The following ZFYVE28 variants were observed in gnomAD, a reference collection of about 807,000 sequenced individuals.
ZFYVE28 encodes the protein zinc finger FYVE-type containing 28.
In ZFYVE28, 40 loss-of-function variants were observed where a neutral mutation model predicts 82.1. The ratio of observed to expected loss-of-function variants is 0.49; its 90% CI spans 0.38 to 0.63. The LOEUF (loss-of-function observed/expected upper bound fraction) is 0.63. Ranked by LOEUF, ZFYVE28 falls within the 30% of genes least tolerant of loss-of-function variation. The pLI is 0.00. For synonymous variants in ZFYVE28, 612 were observed against 546.1 expected, an observed-to-expected ratio of 1.12 and a Z score of -1.68; for missense variants, 1,321 against 1,242.1, an observed-to-expected ratio of 1.06 and a Z score of -0.96.
intron 2 of ZFYVE28, among the ~76,000 whole-genome samples, chr4:2,348,817 G>C (rs1560255227): frequency 1.3e-5 from 2 of 151,836 alleles, no homozygotes; most frequent in Non-Finnish European, 2.9e-5. Flanking sequence ...TTTTATTTAG[G>C]GCCAAATTCT....
At chr4:2,313,631 C>T (rs576440932) in intron 7 of ZFYVE28, among the ~76,000 whole-genome samples, 6 of 152,012 alleles carry the variant, frequency 3.9e-5, no homozygotes, top group Admixed American at 6.6e-5. Flanking sequence ...TTCGGGAGGC[C>T]GAGGTGAGTG....
chr4:2,290,489 C>A (rs1021572085), intron 8 of ZFYVE28, among the ~76,000 whole-genome samples: 3 of 152,222 alleles, frequency 2.0e-5, no homozygotes, highest in African/African-American at 7.2e-5. Context: ...CCCTCTCCAG[C>A]TTTGTCCTCT....
At chr4:2,313,569 T>G (rs2108831876) in intron 7 of ZFYVE28, among the ~76,000 whole-genome samples, 1 of 152,182 alleles carries the variant, frequency 6.6e-6, no homozygotes, top group South Asian at 2.1e-4. Flanking sequence ...CCACATACTT[T>G]TAAGAAGAAC....
At chr4:2,302,987 CG>C (rs1560165844) in intron 8 of ZFYVE28, among the ~76,000 whole-genome samples, 1 of 152,182 alleles carries the variant, frequency 6.6e-6, no homozygotes, top group East Asian at 1.9e-4. Flanking sequence ...GCCGAGCCAT[CG>C]TAAGTCTGGA....
chr4:2,314,984 C>T (rs749756183), intron 7 of ZFYVE28, among the ~76,000 whole-genome samples: 2 of 152,096 alleles, frequency 1.3e-5, no homozygotes, highest in Non-Finnish European at 2.9e-5. Flanking sequence ...CTATGTTGTC[C>T]AGGCTGGTCT....
At chr4:2,306,750 G>A (rs1716635481) in intron 7 of ZFYVE28, 1 of 152,226 alleles carries the variant, frequency 6.6e-6, no homozygotes, top group Non-Finnish European at 1.5e-5. Context: ...GCTTTCTGCT[G>A]TTGTATTACT....
At chr4:2,308,600 C>CAGAG (rs539961492) in intron 7 of ZFYVE28, among the ~76,000 whole-genome samples, 1 of 99,064 alleles carries the variant, frequency 1.0e-5, no homozygotes, top group Non-Finnish European at 2.0e-5. Context: ...GAAGGAGAGA[C>CAGAG]AGAGAGAGAG....
chr4:2,276,761 G>A (rs1392316026), intron 8 of ZFYVE28, among the ~76,000 whole-genome samples: 1 of 151,944 alleles, frequency 6.6e-6, no homozygotes, highest in East Asian at 1.9e-4. Context: ...GAGCCGTCAC[G>A]TTCATACAGA....
chr4:2,289,426 G>C (rs1249031963), intron 8 of ZFYVE28, among the ~76,000 whole-genome samples: 5 of 152,208 alleles, frequency 3.3e-5, no homozygotes, highest in Non-Finnish European at 4.4e-5. Context: ...ACAGGCTGTA[G>C]CACAGCCTCC....
At position 2,305,154 on chromosome 4, in the gene ZFYVE28, C is replaced by T. The variant is rs766248345; in HGVS notation, c.1186G>A (p.Glu396Lys). ...GRPRLRSGSDEEERVFFMDDV... is the reference protein window; with the variant it reads ...GRPRLRSGSDKEERVFFMDDV... ...TCCATGAAGAACACGCGCTCCTCCT[C>T]GTCACTGCCTGACCGCAGGCGCGGT... Residue 396 changes from glutamate to lysine, a missense_variant, in exon 8 of 13, where the codon GAG becomes AAG. Glu to Lys is a moderately conservative substitution (Grantham distance 56). Coordinates refer to ENST00000290974, the MANE Select transcript of ZFYVE28 (RefSeq NM_020972.3). 8.2e-6 allele frequency: 13 copies of T among 1,589,650 alleles called. No homozygotes were observed. The highest frequency in any genetic ancestry group is 3.4e-5 in the Admixed American group (2 of 58,838).
intron 1 of ZFYVE28, among the ~76,000 whole-genome samples, chr4:2,413,200 G>T (rs527841451): frequency 6.6e-6 from 1 of 152,214 alleles, no homozygotes; most frequent in Non-Finnish European, 1.5e-5. Flanking sequence ...TCAGCAAAGC[G>T]CAGGAAATGA....
intron 2 of ZFYVE28, chr4:2,342,491 T>C (rs1404244848): frequency 6.6e-6 from 1 of 152,210 alleles, no homozygotes; most frequent in African/African-American, 2.4e-5. Context: ...ACTCCAGGGC[T>C]CCAGCCATCC....
chr4:2,302,464 A>T (rs1002512283), intron 8 of ZFYVE28, among the ~76,000 whole-genome samples: 5 of 152,228 alleles, frequency 3.3e-5, no homozygotes, highest in African/African-American at 1.2e-4. Flanking sequence ...TGCCCTAAGG[A>T]CAAAACAAAG....
At chr4:2,273,813 C>T (rs1339298621) in intron 9 of ZFYVE28, among the ~76,000 whole-genome samples, 1 of 152,178 alleles carries the variant, frequency 6.6e-6, no homozygotes, top group African/African-American at 2.4e-5. Flanking sequence ...GCCCCCACCC[C>T]ACTGCCCCCG....
chr4:2,355,343 G>T (rs565313209), intron 1 of ZFYVE28, among the ~76,000 whole-genome samples: 1 of 131,942 alleles, frequency 7.6e-6, no homozygotes, highest in Non-Finnish European at 1.6e-5. Context: ...GTGCAGTGGC[G>T]TGATCTTAGT....
rs1055493177 is a variant in ZFYVE28, at chr4:2,417,155, C to T, written c.39+1130G>A. 6.6e-6 allele frequency among the ~76,000 whole-genome samples: 1 copy of T among 152,166 alleles called. No individual in the cohort carries two copies. Among genetic ancestry groups the T allele is most frequent in the African/African-American group, 2.4e-5 (1 of 41,446 alleles). On this transcript the variant is annotated intron_variant, in intron 1 of 12. Transcript: ENST00000290974. This position sits in a 1 kb window ranked among gnomAD's most constrained non-coding sequence, Gnocchi z 4.8. The stretch of plus-strand genomic sequence containing the variant: ...GGTGGCCTCGGACGTCCGAGCTGCC[C>T]GGACGAAGCGCTGGCCCCACTCCCG...
At chr4:2,392,200 C>T (rs1476298773) in intron 1 of ZFYVE28, among the ~76,000 whole-genome samples, 1 of 151,852 alleles carries the variant, frequency 6.6e-6, no homozygotes, top group Non-Finnish European at 1.5e-5. Context: ...TACCTGAATT[C>T]CACTTAATTA....
At chr4:2,375,002 C>T (rs540493791) in intron 1 of ZFYVE28, among the ~76,000 whole-genome samples, 2 of 152,324 alleles carry the variant, frequency 1.3e-5, no homozygotes, top group South Asian at 4.1e-4. Flanking sequence ...CAGACAGAAT[C>T]CTCCTAAGTC....
rs183292234 is a variant in ZFYVE28, at chr4:2,350,982, G to A, written c.180+2951C>T. ...TTATTCATAAGCCAGAACCATAAAC[G>A]AAGTGTTTCCCTGAGTTCTGTGAGC... On this transcript the variant is annotated intron_variant, in intron 2 of 12. Transcript: ENST00000290974. Among the ~76,000 whole-genome samples, 8 of 152,286 alleles carry A rather than the reference G, an allele frequency of 5.3e-5. No homozygotes were observed. In the East Asian group the frequency reaches 7.7e-4, roughly 15 times the overall value.
Sources: allele counts gnomAD v4.1 joint callset (sites outside exome capture counted in the v4.1 genomes callset), GRCh38; gene constraint gnomAD v4.1.1; non-coding constraint Gnocchi (gnomAD v3.1); transcripts MANE v1.5; gene names NCBI Gene and HGNC (gene_info 2026-07-23, HGNC 2026-07-21).